The following KIF6 variants were observed in gnomAD, a reference collection of about 807,000 sequenced individuals.
The protein encoded by KIF6 is kinesin-like protein KIF6.
KIF6 carries 106 observed loss-of-function variants against 112.7 expected under a neutral mutation model. The observed-to-expected ratio is 0.94, with a 90% CI of 0.80 to 1.11. The LOEUF is 1.11. KIF6 is among the 50% of genes least tolerant of loss of function. The probability of loss-of-function intolerance (pLI) is 0.00; values close to 1 mark genes in which losing one functional copy is unlikely to be tolerated. For missense variants in KIF6, 929 were observed against 964.0 expected (o/e 0.96, Z 0.48); for synonymous variants, 339 against 339.9 (o/e 1.00, Z 0.03).
At chr6:39,725,090 C>T (rs1790458396) in intron 1 of KIF6, among the ~76,000 whole-genome samples, 155 bp downstream of exon 1, 1 of 152,168 alleles carries the variant, frequency 6.6e-6, no homozygotes, top group South Asian at 2.1e-4. Context: ...GTCTTCGCGG[C>T]TGCAGGGCTC....
At chr6:39,348,871 C>T (rs1562117000) in intron 19 of KIF6, among the ~76,000 whole-genome samples, 1 of 152,244 alleles carries the variant, frequency 6.6e-6, no homozygotes, top group African/African-American at 2.4e-5. Context: ...CGGGCAGCAA[C>T]AGCCGCTGGG....
intron 13 of KIF6, among the ~76,000 whole-genome samples, chr6:39,478,977 T>C (rs1774624972): frequency 6.6e-6 from 1 of 152,102 alleles, no homozygotes; most frequent in Non-Finnish European, 1.5e-5. Context: ...TTTCTTTGAG[T>C]TCCTTGTACA....
intron 13 of KIF6, among the ~76,000 whole-genome samples, chr6:39,458,597 C>T (rs1416521368): frequency 2.2e-4 from 32 of 146,052 alleles, no homozygotes; most frequent in East Asian, 1.4e-3. Context: ...TGTTTGCAGA[C>T]GACATGATTG....
At chr6:39,580,536 C>T (rs1781228931) in intron 9 of KIF6, among the ~76,000 whole-genome samples, 1 of 152,076 alleles carries the variant, frequency 6.6e-6, no homozygotes, top group South Asian at 2.1e-4. Flanking sequence ...ACATTCCTGT[C>T]TTATTTCTTC....
chr6:39,531,707 AG>A (rs1157819327), intron 13 of KIF6, among the ~76,000 whole-genome samples: 2 of 151,936 alleles, frequency 1.3e-5, no homozygotes, highest in African/African-American at 4.8e-5. Context: ...CCCAGACACC[AG>A]GGGGCCAATC....
At chr6:39,671,437 G>A (rs186848823) in intron 3 of KIF6, among the ~76,000 whole-genome samples, 1 of 152,324 alleles carries the variant, frequency 6.6e-6, no homozygotes, top group South Asian at 2.1e-4. Flanking sequence ...ATCTCCGTGA[G>A]GGTATTGGTG....
At chr6:39,553,108 G>A (rs929432309) in intron 10 of KIF6, among the ~76,000 whole-genome samples, 7 of 152,084 alleles carry the variant, frequency 4.6e-5, no homozygotes, top group Non-Finnish European at 1.0e-4. Flanking sequence ...CAGTTTCCTG[G>A]TCTGTGACAG....
At chr6:39,647,159 T>C (rs1785208429) in intron 3 of KIF6, among the ~76,000 whole-genome samples, 1 of 152,196 alleles carries the variant, frequency 6.6e-6, no homozygotes, top group African/African-American at 2.4e-5. Flanking sequence ...TTCTCATTGG[T>C]TAAGCCAAAT....
chr6:39,607,764 A>C (rs1782972750), intron 6 of KIF6, among the ~76,000 whole-genome samples: 1 of 152,186 alleles, frequency 6.6e-6, no homozygotes, highest in African/African-American at 2.4e-5. Flanking sequence ...CAAGGCCAAA[A>C]TATAGTTTGC....
intron 13 of KIF6, 36 bp downstream of exon 13, chr6:39,539,967 A>C: frequency 1.3e-6 from 2 of 1,489,192 alleles, no homozygotes; most frequent in Non-Finnish European, 1.8e-6. Context: ...AATCCATTAC[A>C]GACAATGAGA....
At chr6:39,634,818 T>G (rs1349115221) in intron 5 of KIF6, 31 bp downstream of exon 5, 1 of 1,212,570 alleles carries the variant, frequency 8.2e-7, no homozygotes, top group Admixed American at 1.7e-5. Flanking sequence ...GAAAGTAATT[T>G]CCCTCCATTC....
intron 20 of KIF6, among the ~76,000 whole-genome samples, chr6:39,346,133 C>A (rs1763767780): frequency 1.1e-5 from 1 of 89,260 alleles, no homozygotes; most frequent in Non-Finnish European, 2.1e-5. Context: ...CTCCCTCTCC[C>A]TCTCTCTCTC....
At chr6:39,419,580 G>A (rs1770198834) in intron 15 of KIF6, among the ~76,000 whole-genome samples, 1 of 152,086 alleles carries the variant, frequency 6.6e-6, no homozygotes, top group Non-Finnish European at 1.5e-5. Context: ...GAAGCTTTGG[G>A]AGGTGTAAGA....
At chr6:39,449,667 G>A (rs1772557456) in intron 13 of KIF6, among the ~76,000 whole-genome samples, 1 of 152,170 alleles carries the variant, frequency 6.6e-6, no homozygotes, top group African/African-American at 2.4e-5. Context: ...AACCTGTCCT[G>A]TTCAGTGCTC....
At chr6:39,367,949 T>TC (rs1410529286) in intron 16 of KIF6, among the ~76,000 whole-genome samples, 14 of 152,084 alleles carry the variant, frequency 9.2e-5, no homozygotes, top group Non-Finnish European at 5.9e-5. Flanking sequence ...GTCAATAGGG[T>TC]CCCCTGGTGA....
chr6:39,653,048 C>A (rs1785568025), intron 3 of KIF6, among the ~76,000 whole-genome samples: 1 of 152,174 alleles, frequency 6.6e-6, no homozygotes, highest in African/African-American at 2.4e-5. Context: ...TCAGAATAAA[C>A]AGATTAAGAT....
chr6:39,619,731 T>C (rs1473010935), intron 5 of KIF6, among the ~76,000 whole-genome samples: 1 of 152,216 alleles, frequency 6.6e-6, no homozygotes, highest in Non-Finnish European at 1.5e-5. Flanking sequence ...GTGCAATTAA[T>C]GTGTAGGAGA....
intron 13 of KIF6, among the ~76,000 whole-genome samples, chr6:39,496,211 A>G (rs1775775674): frequency 6.6e-6 from 1 of 152,134 alleles, no homozygotes; most frequent in Non-Finnish European, 1.5e-5. Flanking sequence ...AGATCTACCT[A>G]AAGTCCCTCA....
At chr6:39,688,592 T>C (rs907561332) in intron 3 of KIF6, among the ~76,000 whole-genome samples, 1 of 152,046 alleles carries the variant, frequency 6.6e-6, no homozygotes, top group Admixed American at 6.6e-5. Flanking sequence ...AGAAAAGAAG[T>C]ACCACAGGAA....
Sources: gnomAD v4.1 joint callset for allele counts (sites outside exome capture counted in the v4.1 genomes callset) on GRCh38, gnomAD v4.1.1 for gene constraint, MANE v1.5 for transcripts, NCBI Gene and HGNC (gene_info 2026-07-23, HGNC 2026-07-21) for gene names.